HAO2: variants seen among roughly 807,000 people sequenced by gnomAD.
HAO2 encodes hydroxyacid oxidase 2.
In HAO2, 42 loss-of-function variants were observed where a neutral mutation model predicts 37.4. That is an observed-to-expected ratio of 1.12 (90% CI 0.88 to 1.45). The LOEUF (loss-of-function observed/expected upper bound fraction) is 1.45, where lower values mean the gene tolerates loss of function less well. HAO2 is among the 40% of genes most tolerant of loss of function. HAO2 has a pLI of 0.00. For missense variants in HAO2, 476 were observed against 430.2 expected, an observed-to-expected ratio of 1.11 and a Z score of -0.94; for synonymous variants, 180 against 162.8, an observed-to-expected ratio of 1.11 and a Z score of -0.81.
intron 7 of HAO2, among the ~76,000 whole-genome samples, chr1:119,393,345 G>C (rs1651062306): frequency 1.3e-5 from 2 of 152,068 alleles, no homozygotes; most frequent in Non-Finnish European, 1.5e-5. Flanking sequence ...TTCTTCTAAA[G>C]AAGAGTCTTT....
At chr1:119,393,051 T>C (rs1651037735) in intron 7 of HAO2, among the ~76,000 whole-genome samples, 2 of 152,152 alleles carry the variant, frequency 1.3e-5, no homozygotes, top group South Asian at 4.1e-4. Flanking sequence ...AAAGACCCTC[T>C]CATTAGTATA....
intron 4 of HAO2, chr1:119,385,556 C>T: frequency 1.0e-6 from 1 of 954,804 alleles, no homozygotes; most frequent in South Asian, 4.8e-5. Context: ...TATCTCTGCA[C>T]ACATAGAGCT....
intron 7 of HAO2, among the ~76,000 whole-genome samples, chr1:119,392,953 A>G (rs1651031360): frequency 6.6e-6 from 1 of 152,124 alleles, no homozygotes; most frequent in African/African-American, 2.4e-5. Context: ...TTTACGGACT[A>G]TTGACATATC....
intron 3 of HAO2, among the ~76,000 whole-genome samples, chr1:119,383,724 C>G (rs1650153677): frequency 6.6e-6 from 1 of 151,912 alleles, no homozygotes; most frequent in South Asian, 2.1e-4. Context: ...GCTCTTGGGA[C>G]TCTTTCGTAA....
At chr1:119,371,792 G>A (rs952788254) in intron 1 of HAO2, among the ~76,000 whole-genome samples, 4 of 152,174 alleles carry the variant, frequency 2.6e-5, no homozygotes, top group African/African-American at 9.7e-5. Context: ...CTTGAAAAAT[G>A]GTTGCAATAT....
intron 1 of HAO2, among the ~76,000 whole-genome samples, chr1:119,375,953 T>C (rs192649018): frequency 7.9e-5 from 12 of 152,276 alleles, no homozygotes; most frequent in African/African-American, 2.4e-4. Context: ...TGAGGTTTGG[T>C]TGGGGACACA....
At chr1:119,393,749 G>A in intron 7 of HAO2, 36 bp from the exon 8 acceptor site, 1 of 1,602,984 alleles carries the variant, frequency 6.2e-7, no homozygotes, top group Non-Finnish European at 8.5e-7. Flanking sequence ...GCTTGTGTTT[G>A]ACAAAAATGA....
intron 1 of HAO2, chr1:119,370,415 C>T (rs186923478): frequency 6.6e-6 from 1 of 152,256 alleles, no homozygotes; most frequent in Non-Finnish European, 1.5e-5. Flanking sequence ...CTTCCAGAGC[C>T]TCAGATGAAA....
At chr1:119,374,083 T>C (rs1274298220) in intron 1 of HAO2, among the ~76,000 whole-genome samples, 1 of 152,158 alleles carries the variant, frequency 6.6e-6, no homozygotes, top group Admixed American at 6.5e-5. Context: ...CACTGCAATG[T>C]TAGAAACACT....
At chr1:119,376,132 A>G (rs1649441910) in intron 1 of HAO2, among the ~76,000 whole-genome samples, 2 of 152,162 alleles carry the variant, frequency 1.3e-5, no homozygotes, top group Non-Finnish European at 2.9e-5. Context: ...CCTTCTACCT[A>G]TGAGCCTGTA....
chr1:119,393,661 C>T, intron 7 of HAO2, 124 bp from the exon 8 acceptor site: 1 of 805,662 alleles, frequency 1.2e-6, no homozygotes, highest in Non-Finnish European at 2.2e-6. Flanking sequence ...TGTATGTAAA[C>T]CATTTTATAA....
chr1:119,385,055 T>A lies in HAO2; in HGVS notation c.561+2T>A. ...ACAGATCTTCAATCACCTAAAAAGG[T>A]AAGAAAGATACCAAATTCGATGGAC... is the stretch of plus-strand genomic sequence containing the variant. On this transcript the variant is annotated splice_donor_variant, in intron 4 of 7. Coordinates refer to ENST00000325945, the MANE Select transcript of HAO2 (RefSeq NM_016527.4). LOFTEE classifies it high-confidence loss of function. 6.2e-7 allele frequency: 1 copy of A among 1,605,096 alleles called. No homozygotes were observed. Among genetic ancestry groups the A allele is most frequent in the Non-Finnish European group, 8.5e-7 (1 of 1,172,994 alleles).
chr1:119,390,406 C>G (rs1445511493), intron 5 of HAO2, among the ~76,000 whole-genome samples: 1 of 152,124 alleles, frequency 6.6e-6, no homozygotes, highest in South Asian at 2.1e-4. Flanking sequence ...CACTGGCCAC[C>G]ACGCCTGGTT....
chr1:119,375,304 G>A (rs1172028781), intron 1 of HAO2, among the ~76,000 whole-genome samples: 6 of 152,082 alleles, frequency 3.9e-5, no homozygotes, highest in Non-Finnish European at 7.4e-5. Flanking sequence ...CAAATATATT[G>A]TGCTAAGTTC....
At chr1:119,393,411 T>C (rs982349684) in intron 7 of HAO2, among the ~76,000 whole-genome samples, 7 of 152,144 alleles carry the variant, frequency 4.6e-5, no homozygotes, top group African/African-American at 9.7e-5. Context: ...ACTCACCCCA[T>C]CTCTTTTGCT....
At chr1:119,386,222 G>A (rs1650366441) in intron 4 of HAO2, among the ~76,000 whole-genome samples, 1 of 152,068 alleles carries the variant, frequency 6.6e-6, no homozygotes, top group African/African-American at 2.4e-5. Context: ...TTGTTTGTTT[G>A]TTTGTTTTTG....
intron 2 of HAO2, among the ~76,000 whole-genome samples, chr1:119,382,007 C>T (rs148313744): frequency 7.6e-4 from 116 of 152,164 alleles, no homozygotes; most frequent in African/African-American, 2.6e-3. Context: ...ACTCTCTGGC[C>T]CTTTATAGAA....
rs587692177 is a variant in HAO2, at chr1:119,369,449, C to T, written c.-9+547C>T. On this transcript the variant is annotated intron_variant, in intron 1 of 7. Transcript: ENST00000325945. Reference sequence around the variant, plus strand: ...GTGTTAAGTTGAATCTACAGATCAACCTGCGGAGAACTGCCAAGAACGCTA... The same window carrying T: ...GTGTTAAGTTGAATCTACAGATCAATCTGCGGAGAACTGCCAAGAACGCTA... Among the ~76,000 whole-genome samples the T allele has an allele frequency of 4.6e-5, 7 of 152,286 alleles. No homozygotes were observed. The East Asian group carries it at 5.8e-4, about 13-fold the overall frequency.
At chr1:119,384,312 A>G (rs1193379023) in intron 3 of HAO2, among the ~76,000 whole-genome samples, 1 of 152,208 alleles carries the variant, frequency 6.6e-6, no homozygotes, top group Non-Finnish European at 1.5e-5. Flanking sequence ...TCAATGCCAC[A>G]CAGCAAAGAA....
Sources: gnomAD v4.1 joint callset for allele counts (sites outside exome capture counted in the v4.1 genomes callset) on GRCh38, gnomAD v4.1.1 for gene constraint, MANE v1.5 for transcripts, NCBI Gene and HGNC (gene_info 2026-07-23, HGNC 2026-07-21) for gene names.